The following RHEB variants were observed in gnomAD, a reference collection of about 807,000 sequenced individuals.
RHEB encodes the protein GTP-binding protein Rheb.
RHEB carries 2 observed loss-of-function variants against 28.8 expected under a neutral mutation model. The ratio of observed to expected loss-of-function variants is 0.07; its 90% CI spans 0.03 to 0.22. The LOEUF is 0.22. Among genes scored for constraint, RHEB ranks in the 10% least tolerant of loss-of-function variants. The pLI is 1.00. For synonymous variants in RHEB, 69 were observed against 77.3 expected (o/e 0.89, Z 0.56); for missense variants, 76 against 219.9 (o/e 0.35, Z 4.14).
At chr7:151,478,165 T>C (rs943836163) in intron 3 of RHEB, among the ~76,000 whole-genome samples, 1 of 152,228 alleles carries the variant, frequency 6.6e-6, no homozygotes, top group Non-Finnish European at 1.5e-5. Context: ...CTGATGTCAG[T>C]GCAGTTTTCA....
At chr7:151,467,738 GCCCT>G (rs1246578942) in intron 7 of RHEB, among the ~76,000 whole-genome samples, 1 of 151,998 alleles carries the variant, frequency 6.6e-6, no homozygotes, top group African/African-American at 2.4e-5. Context: ...TCCACAAACT[GCCCT>G]CCCTATCTCC....
intron 3 of RHEB, among the ~76,000 whole-genome samples, chr7:151,482,358 C>T (rs1386719975): frequency 6.6e-6 from 1 of 152,196 alleles, no homozygotes; most frequent in Non-Finnish European, 1.5e-5. Flanking sequence ...GATCCTTCCA[C>T]CTCCCACAGT....
chr7:151,506,107 G>C (rs1444932748), intron 1 of RHEB, among the ~76,000 whole-genome samples: 1 of 151,614 alleles, frequency 6.6e-6, no homozygotes, highest in African/African-American at 2.4e-5. Context: ...CACTTAAAAT[G>C]GATACTTTAT....
In RHEB at chr7:151,470,656, A is replaced by T. The variant is rs577130683; in HGVS notation, c.381-4T>A. The T allele has an allele frequency of 6.3e-7, 1 of 1,594,628 alleles. No individual in the cohort carries two copies. The highest frequency in any genetic ancestry group is 2.2e-5 in the East Asian group (1 of 44,774). The stretch of plus-strand genomic sequence containing the variant: ...CCCTTCTTCATAACTGATCACCCTA[A>T]AGAAAAAATAAAATTCTAGTTAAAG... On this transcript the variant is annotated splice_polypyrimidine_tract_variant and splice_region_variant and intron_variant, in intron 6 of 7. Coordinates refer to ENST00000262187, the MANE Select transcript of RHEB (RefSeq NM_005614.4).
At chr7:151,474,946 TCA>T (rs1802247017) in intron 4 of RHEB, among the ~76,000 whole-genome samples, 2 of 152,252 alleles carry the variant, frequency 1.3e-5, no homozygotes, top group South Asian at 4.1e-4. Context: ...ACCACTCTTC[TCA>T]CACTCATGTT....
At chr7:151,487,844 G>A (rs1802509288) in intron 2 of RHEB, among the ~76,000 whole-genome samples, 1 of 152,154 alleles carries the variant, frequency 6.6e-6, no homozygotes, top group Admixed American at 6.5e-5. Context: ...ATTCTCCTAA[G>A]TAGACTAATA....
At chr7:151,505,028 A>G (rs547270170) in intron 1 of RHEB, among the ~76,000 whole-genome samples, 1 of 151,744 alleles carries the variant, frequency 6.6e-6, no homozygotes, top group Non-Finnish European at 1.5e-5. Context: ...TAAAACTACA[A>G]AACTTCTAGA....
intron 4 of RHEB, among the ~76,000 whole-genome samples, chr7:151,473,427 T>C (rs1337929957): frequency 6.6e-6 from 1 of 152,202 alleles, no homozygotes; most frequent in Admixed American, 6.5e-5. Context: ...ACTGTGGCTC[T>C]GAGAGACTGA....
chr7:151,505,721 C>A (rs1802861010), intron 1 of RHEB, among the ~76,000 whole-genome samples: 1 of 152,150 alleles, frequency 6.6e-6, no homozygotes, highest in South Asian at 2.1e-4. Context: ...TAGCTTTATT[C>A]TTAATAGTTA....
intron 7 of RHEB, among the ~76,000 whole-genome samples, chr7:151,470,094 C>T (rs1802134086): frequency 6.6e-6 from 1 of 151,678 alleles, no homozygotes; most frequent in Non-Finnish European, 1.5e-5. Context: ...GGCACATCTG[C>T]GGGGTGAAAT....
chr7:151,487,971 G>A (rs1391066329), intron 2 of RHEB, among the ~76,000 whole-genome samples: 1 of 152,184 alleles, frequency 6.6e-6, no homozygotes, highest in African/African-American at 2.4e-5. Context: ...ATACCCTACT[G>A]AGAAGTCCAC....
At chr7:151,519,281 C>A (rs1385257802) in intron 1 of RHEB, 179 bp downstream of exon 1, 2 of 313,990 alleles carry the variant, frequency 6.4e-6, no homozygotes, top group Non-Finnish European at 1.1e-5. Context: ...CCTCCACCGG[C>A]GCGGACGCCG....
At chr7:151,487,629 A>G (rs2150927743) in intron 2 of RHEB, among the ~76,000 whole-genome samples, 1 of 152,356 alleles carries the variant, frequency 6.6e-6, no homozygotes, top group Admixed American at 6.5e-5. Context: ...TCTTGCTGTC[A>G]TAGGAAAACT....
At chr7:151,482,958 A>C (rs1246696531) in intron 3 of RHEB, among the ~76,000 whole-genome samples, 1 of 152,104 alleles carries the variant, frequency 6.6e-6, no homozygotes, top group Non-Finnish European at 1.5e-5. Flanking sequence ...ATAAGCCCCA[A>C]CTCCTATTCT....
chr7:151,502,784 A>G, intron 1 of RHEB: 8 of 1,446,852 alleles, frequency 5.5e-6, no homozygotes, highest in Non-Finnish European at 6.8e-6. Context: ...AGAAAGTAGC[A>G]GAGACTGCTG....
chr7:151,478,396 A>AG (rs1475409527), intron 3 of RHEB, among the ~76,000 whole-genome samples: 3 of 151,814 alleles, frequency 2.0e-5, no homozygotes, highest in African/African-American at 7.2e-5. Flanking sequence ...AGAAAAAAAA[A>AG]AAAAGAAAAG....
intron 1 of RHEB, chr7:151,502,898 T>C: frequency 1.2e-6 from 1 of 830,148 alleles, no homozygotes; most frequent in Non-Finnish European, 2.1e-6. Flanking sequence ...GAGGTTACAA[T>C]CGAAAGTTTT....
At chr7:151,498,219 T>A in intron 1 of RHEB, 1 of 1,113,426 alleles carries the variant, frequency 9.0e-7, no homozygotes, top group Non-Finnish European at 1.2e-6. Context: ...TTTAAAGTAC[T>A]GGAGGCAATT....
intron 3 of RHEB, among the ~76,000 whole-genome samples, chr7:151,483,306 T>C (rs1197789289): frequency 6.6e-6 from 1 of 152,162 alleles, no homozygotes; most frequent in Non-Finnish European, 1.5e-5. Flanking sequence ...ACAGGACAGG[T>C]CATATTATTC....
Sources: allele counts gnomAD v4.1 joint callset (sites outside exome capture counted in the v4.1 genomes callset), GRCh38; gene constraint gnomAD v4.1.1; transcripts MANE v1.5; gene names NCBI Gene and HGNC (gene_info 2026-07-23, HGNC 2026-07-21).